The following NREP variants were observed in gnomAD, a reference collection of about 807,000 sequenced individuals.
NREP encodes neuronal regeneration related protein.
In NREP, 5 loss-of-function variants were observed where a neutral mutation model predicts 8.6. That is an observed-to-expected ratio of 0.58 (90% CI 0.30 to 1.22). NREP has a LOEUF of 1.22. Among genes scored for constraint, NREP ranks in the 50% most tolerant of loss-of-function variants. The pLI, the probability that NREP is intolerant of heterozygous loss-of-function variation, is 0.07. For missense variants in NREP, 86 were observed against 82.5 expected (o/e 1.04, Z -0.17); for synonymous variants, 27 against 28.0 (o/e 0.96, Z 0.11).
At chr5:111,829,921 C>G (rs1019266874) in intron 2 of NREP, among the ~76,000 whole-genome samples, 2 of 152,174 alleles carry the variant, frequency 1.3e-5, no homozygotes, top group African/African-American at 2.4e-5. Flanking sequence ...TCTTACAGCC[C>G]TGGACTGGGT....
At chr5:111,951,550 A>C (rs651190) in intron 2 of NREP, among the ~76,000 whole-genome samples, 3,328 of 152,118 alleles carry the variant, frequency 0.022, 115 homozygotes, top group African/African-American at 0.075. Flanking sequence ...GAAAATATTT[A>C]TTATTTGATC....
At chr5:111,784,405 T>C (rs1160161652) in intron 2 of NREP, among the ~76,000 whole-genome samples, 1 of 152,184 alleles carries the variant, frequency 6.6e-6, no homozygotes, top group Admixed American at 6.5e-5. Flanking sequence ...GGGCAGCTAG[T>C]TATCTTTGCC....
At chr5:111,751,931 G>A (rs909011961) in intron 2 of NREP, among the ~76,000 whole-genome samples, 13 of 152,108 alleles carry the variant, frequency 8.5e-5, no homozygotes, top group African/African-American at 1.2e-4. Context: ...ACGAAGTTAC[G>A]CCAAGGATCC....
chr5:111,914,102 T>C (rs1213444635), intron 2 of NREP, among the ~76,000 whole-genome samples: 1 of 152,086 alleles, frequency 6.6e-6, no homozygotes, highest in Non-Finnish European at 1.5e-5. Flanking sequence ...TATGGATAAA[T>C]TCTTACTTTA....
intron 3 of NREP, chr5:111,734,978 T>G (rs1748968476): frequency 5.1e-6 from 2 of 394,660 alleles, no homozygotes; most frequent in Middle Eastern, 6.6e-4. Context: ...TAAAAAATGG[T>G]TTTTAGGCTC....
chr5:111,924,322 T>G (rs531087090), intron 2 of NREP, among the ~76,000 whole-genome samples: 242 of 152,284 alleles, frequency 1.6e-3, no homozygotes, highest in African/African-American at 5.1e-3. Flanking sequence ...AGAAAGGTCT[T>G]TAGACGGTGT....
intron 1 of NREP, chr5:111,976,642 C>T (rs1756971291): frequency 7.6e-7 from 1 of 1,319,576 alleles, no homozygotes; most frequent in Non-Finnish European, 1.1e-6. Context: ...GACAAACATC[C>T]TATAATTGTT....
chr5:111,976,858 G>A (rs1756981257), exon 1 of NREP: 2 of 725,994 alleles, frequency 2.8e-6, no homozygotes, highest in South Asian at 3.6e-5. Context: ...ATTGTCCAAT[G>A]TTTCTTTTGA....
chr5:111,784,620 C>A (rs1017589861), intron 2 of NREP, among the ~76,000 whole-genome samples: 5 of 152,094 alleles, frequency 3.3e-5, no homozygotes, highest in Admixed American at 1.3e-4. Flanking sequence ...TTATTTCAAA[C>A]ATATTTTAAC....
chr5:111,874,879 A>G (rs1006486656), intron 2 of NREP, among the ~76,000 whole-genome samples: 14 of 152,314 alleles, frequency 9.2e-5, no homozygotes, highest in East Asian at 7.7e-4. Flanking sequence ...ATCTAACACA[A>G]TGATGTCCCT....
At chr5:111,826,373 T>G (rs1752627355) in intron 2 of NREP, among the ~76,000 whole-genome samples, 1 of 152,144 alleles carries the variant, frequency 6.6e-6, no homozygotes, top group African/African-American at 2.4e-5. Flanking sequence ...ACTGTGGAAG[T>G]TTTGTTGTTT....
At chr5:111,749,815 A>G (rs1183370477) in intron 2 of NREP, among the ~76,000 whole-genome samples, 1 of 152,152 alleles carries the variant, frequency 6.6e-6, no homozygotes, top group African/African-American at 2.4e-5. Context: ...TTTCTCAAGA[A>G]AAGGATAAGC....
chr5:111,785,122 A>C (rs923408798), intron 2 of NREP, among the ~76,000 whole-genome samples: 4 of 152,204 alleles, frequency 2.6e-5, no homozygotes, highest in African/African-American at 9.6e-5. Context: ...AAGTCTTCCA[A>C]GCGCCAATCC....
chr5:111,818,822 G>C (rs1752451184), intron 2 of NREP, among the ~76,000 whole-genome samples: 1 of 152,156 alleles, frequency 6.6e-6, no homozygotes, highest in Non-Finnish European at 1.5e-5. Flanking sequence ...GATTTTACAG[G>C]TTAAAATGAA....
At chr5:111,757,704 G>A (rs1561653687), upstream of NREP, 3 of 984,404 alleles carry the variant, frequency 3.0e-6, no homozygotes, top group Admixed American at 6.2e-5. Flanking sequence ...AGACAAAGCG[G>A]ACCCGCAGCT....
intron 2 of NREP, among the ~76,000 whole-genome samples, chr5:111,887,647 G>C (rs2112528059): frequency 6.6e-6 from 1 of 152,258 alleles, no homozygotes; most frequent in South Asian, 2.1e-4. Context: ...AGCTGAATGT[G>C]CTGGCATCTG....
intron 2 of NREP, among the ~76,000 whole-genome samples, chr5:111,823,044 C>T (rs1752545907): frequency 6.6e-6 from 1 of 152,224 alleles, no homozygotes; most frequent in East Asian, 1.9e-4. Context: ...GATTGGGCAT[C>T]TGCATCTGGC....
At chr5:111,837,873 C>T (rs997465099) in intron 2 of NREP, among the ~76,000 whole-genome samples, 2 of 152,028 alleles carry the variant, frequency 1.3e-5, no homozygotes, top group Non-Finnish European at 2.9e-5. Flanking sequence ...GTCGTCACCT[C>T]ATTCCAGTGG....
chr5:111,860,333 C>T (rs1753517875), intron 2 of NREP, among the ~76,000 whole-genome samples: 1 of 152,138 alleles, frequency 6.6e-6, no homozygotes, highest in Non-Finnish European at 1.5e-5. Context: ...CAAGATCTGT[C>T]ATGTGTTTCT....
Sources: gnomAD v4.1 joint callset for allele counts (sites outside exome capture counted in the v4.1 genomes callset) on GRCh38, gnomAD v4.1.1 for gene constraint, MANE v1.5 for transcripts, NCBI Gene and HGNC (gene_info 2026-07-23, HGNC 2026-07-21) for gene names.